PHF12: variants seen among roughly 807,000 people sequenced by gnomAD.
PHF12 encodes the protein PHD factor 1.
PHF12 carries 6 observed loss-of-function variants against 99.8 expected under a neutral mutation model. The observed-to-expected ratio is 0.06, with a 90% CI of 0.03 to 0.12. The LOEUF (loss-of-function observed/expected upper bound fraction) is 0.12, where lower values mean the gene tolerates loss of function less well. PHF12 is among the 10% of genes least tolerant of loss of function. The pLI is 1.00. For synonymous variants in PHF12, 480 were observed against 514.9 expected (o/e 0.93, Z 0.92); for missense variants, 954 against 1,300.1 (o/e 0.73, Z 4.09).
intron 11 of PHF12, chr17:28,909,871 G>A: frequency 1.7e-6 from 1 of 595,488 alleles, no homozygotes; most frequent in Non-Finnish European, 3.0e-6. Flanking sequence ...GATTACAGGT[G>A]TGAGCCACTG....
Position 28,907,648 on chromosome 17 carries a change from G to C in PHF12, c.2483C>G (p.Thr828Arg). 1.2e-6 allele frequency: 2 copies of C among 1,613,922 alleles called. No homozygotes were observed. Among genetic ancestry groups the C allele is most frequent in the Non-Finnish European group, 1.7e-6 (2 of 1,179,884 alleles). Residue 828 changes from threonine (T) to arginine (R), a missense_variant, in exon 13 of 15, where the codon ACA becomes AGA. Thr to Arg is a moderately conservative substitution (Grantham distance 71, BLOSUM62 -1). Transcript: ENST00000332830. ...CACGTAGTTACAGTGACCATAGTTT[G>C]TAAGGCACACATCCATGTCAGCTCC... is the stretch of plus-strand genomic sequence containing the variant. ...GTGADMDVCL[T>R]NYGHCNYVSG...
intron 6 of PHF12, among the ~76,000 whole-genome samples, chr17:28,917,821 G>A (rs1166735990): frequency 6.6e-6 from 1 of 152,060 alleles, no homozygotes; most frequent in African/African-American, 2.4e-5. Context: ...CGTATGCTTC[G>A]ACCCTTAAGA....
In PHF12 at chr17:28,949,356, G is replaced by A. The variant is rs111399859; in HGVS notation, c.248+709C>T. 0.017 allele frequency among the ~76,000 whole-genome samples: 2,551 copies of A among 152,250 alleles called. 64 individuals are homozygous for A. Among genetic ancestry groups the A allele is most frequent in the African/African-American group, 0.058 (2,397 of 41,528 alleles). On this transcript the variant is annotated intron_variant, in intron 2 of 14. Transcript: ENST00000332830. The surrounding 1 kb of genome is among the most constrained non-coding windows in gnomAD (Gnocchi z 4.6). ...AAGGCAGCTCTGAGAGGCAACAGGG[G>A]GCAAGCGGAGGCAGAGAAAGGGGAT... is the stretch of plus-strand genomic sequence containing the variant.
chr17:28,951,016 AG>A lies in PHF12; in HGVS notation c.-57del. ...CTCCGGCCCCCCCAACCCCGGGGGG[AG>A]GGGGGAGGTGAGGGGAGGGGGCGCT... On this transcript the variant is annotated 5_prime_UTR_variant, in exon 1 of 15. Coordinates refer to ENST00000332830, the MANE Select transcript of PHF12 (RefSeq NM_001033561.2). 2.5e-6 allele frequency: 4 copies of A among 1,605,044 alleles called. No homozygotes were observed. Among genetic ancestry groups the A allele is most frequent in the East Asian group, 2.3e-5 (1 of 44,444 alleles).
Position 28,950,965 on chromosome 17 carries a change from C to T in PHF12, c.-5G>A, listed in dbSNP as rs759080157. 3.1e-6 allele frequency: 5 copies of T among 1,613,798 alleles called. No homozygotes were observed. In the South Asian group the frequency reaches 5.5e-5, roughly 18 times the overall value. ...GGTCTCCATTTTCTCCCACATTCAT[C>T]CACCTCCCGGGCTGGGTGCTCTCTG... On this transcript the variant is annotated 5_prime_UTR_variant, in exon 1 of 15. Coordinates refer to ENST00000332830, the MANE Select transcript of PHF12 (RefSeq NM_001033561.2). The surrounding 1 kb of genome is among the most constrained non-coding windows in gnomAD (Gnocchi z 5.7).
chr17:28,911,955 T>C (rs936537240), intron 9 of PHF12, among the ~76,000 whole-genome samples: 2 of 152,252 alleles, frequency 1.3e-5, no homozygotes, highest in Non-Finnish European at 2.9e-5. Context: ...CCTGTGGGCA[T>C]CCCACTCTAC....
rs1045315017 is a variant in PHF12, at chr17:28,950,315, C to T, written c.67-69G>A. The stretch of plus-strand genomic sequence containing the variant: ...CGGGCGGTCCGTCGCCCCCCCGGCG[C>T]GGTTTCTCCGTCACCCACCCCTCTC... On this transcript the variant is annotated intron_variant, in intron 1 of 14. Transcript: ENST00000332830. The surrounding 1 kb of genome is among the most constrained non-coding windows in gnomAD (Gnocchi z 5.7). The T allele has an allele frequency of 6.7e-7, 1 of 1,494,712 alleles. No individual in the cohort carries two copies. The highest frequency in any genetic ancestry group is 9.0e-7 in the Non-Finnish European group (1 of 1,112,840). 92.6% of individuals were successfully genotyped at this position (1,494,712 alleles called of 1,614,324 possible). A position where few individuals can be genotyped will look rare whatever the true frequency, so the allele number is the denominator to read the frequency against.
At position 28,913,095 on chromosome 17, in the gene PHF12, G is replaced by A. The variant is rs1285174492; in HGVS notation, c.1476C>T (p.Tyr492=). 6.2e-7 allele frequency: 1 copy of A among 1,614,234 alleles called. No individual in the cohort carries two copies. Among genetic ancestry groups the A allele is most frequent in the Non-Finnish European group, 8.5e-7 (1 of 1,180,036 alleles). The change falls in exon 9 of 15, where the codon TAC becomes TAT. Residue 492 remains tyrosine (Y), a synonymous_variant. Coordinates refer to ENST00000332830, the MANE Select transcript of PHF12 (RefSeq NM_001033561.2). The part of the protein sequence containing the change: ...TADKTPTPSH[Y]PLSCPSGIST... ...TAATCCCTGAGGGGCAGGACAAGGGGTAGTGGGAAGGTGTAGGTGTCTTGT... is the reference window on the plus strand; with the variant it reads ...TAATCCCTGAGGGGCAGGACAAGGGATAGTGGGAAGGTGTAGGTGTCTTGT...
intron 7 of PHF12, among the ~76,000 whole-genome samples, chr17:28,914,315 G>A (rs1003480387): frequency 6.6e-6 from 1 of 152,136 alleles, no homozygotes; most frequent in Non-Finnish European, 1.5e-5. Context: ...GGGCTTCAGA[G>A]TGGTACTCTG....
chr17:28,913,944 G>C lies in PHF12; in HGVS notation c.1228C>G (p.Pro410Ala), dbSNP rs200011498. ...AAAAGGTGCATCTGTGATTCCTCAG[G>C]GATCCCATTGCAGATCAGCTCCCCG... Reference protein sequence around the residue: ...RDGELICNGIPEESQMHLLNS... With the variant: ...RDGELICNGIAEESQMHLLNS... Residue 410 changes from proline to alanine, a missense_variant, in exon 8 of 15, where the codon CCT becomes GCT. Physicochemically the swap from Pro to Ala is conservative, Grantham distance 27 (BLOSUM62 -1). Coordinates refer to ENST00000332830, the MANE Select transcript of PHF12 (RefSeq NM_001033561.2). 4.0e-5 allele frequency: 64 copies of C among 1,613,680 alleles called. No individual in the cohort carries two copies. The highest frequency in any genetic ancestry group is 4.8e-5 in the Non-Finnish European group (57 of 1,179,768).
intron 2 of PHF12, chr17:28,944,887 T>C (rs1401175052): frequency 6.6e-6 from 1 of 152,190 alleles, no homozygotes; most frequent in African/African-American, 2.4e-5. Context: ...GCTGACAAGA[T>C]AATGTTAAAG....
intron 10 of PHF12, among the ~76,000 whole-genome samples, 181 bp from the exon 11 acceptor site, chr17:28,910,550 C>A (rs1228043828): frequency 1.3e-5 from 2 of 152,220 alleles, no homozygotes; most frequent in African/African-American, 4.8e-5. Flanking sequence ...TTGCCATTTG[C>A]AGTGAGATGG....
At position 28,950,814 on chromosome 17, in the gene PHF12, G is replaced by C; in HGVS notation, c.66+81C>G. The stretch of plus-strand genomic sequence containing the variant: ...TCCCTCGGCCATCTAGGCGCTTCGA[G>C]TTTAGGACTGGCTTTGTGGGGCGGA... On this transcript the variant is annotated intron_variant, in intron 1 of 14. Coordinates refer to ENST00000332830, the MANE Select transcript of PHF12 (RefSeq NM_001033561.2). This position sits in a 1 kb window ranked among gnomAD's most constrained non-coding sequence, Gnocchi z 5.7. The C allele has an allele frequency of 1.9e-6, 3 of 1,581,244 alleles. No homozygotes were observed. Among genetic ancestry groups the C allele is most frequent in the South Asian group, 1.1e-5 (1 of 88,094 alleles).
intron 2 of PHF12, among the ~76,000 whole-genome samples, chr17:28,943,278 C>T (rs76268364): frequency 1.3e-5 from 2 of 152,138 alleles, no homozygotes; most frequent in Non-Finnish European, 2.9e-5. Flanking sequence ...AGTTACCATA[C>T]GACCCAGCAA....
At chr17:28,907,463 G>T in intron 13 of PHF12, 127 bp downstream of exon 13, 1 of 854,304 alleles carries the variant, frequency 1.2e-6, no homozygotes, top group Non-Finnish European at 1.8e-6. Context: ...AGGAATGACA[G>T]GGAGGGAAGA....
chr17:28,910,492 A>G lies in PHF12; in HGVS notation c.2216-123T>C, dbSNP rs76118512. 3.3e-4 allele frequency: 394 copies of G among 1,194,336 alleles called. No individual in the cohort carries two copies. The African/African-American group carries it at 5.8e-3, about 17-fold the overall frequency. The allele number at this position is 1,194,336 out of a possible 1,614,324, so 74.0% of individuals were successfully genotyped here. On this transcript the variant is annotated intron_variant, in intron 10 of 14. Transcript: ENST00000332830. The stretch of plus-strand genomic sequence containing the variant: ...ATCCAGCCAAGTGATTTTTACTCAA[A>G]CAGCATTGAGTGCAGAGCGTACAAG...
At chr17:28,941,925 C>T (rs2152677753) in intron 2 of PHF12, among the ~76,000 whole-genome samples, 1 of 152,258 alleles carries the variant, frequency 6.6e-6, no homozygotes, top group East Asian at 1.9e-4. Context: ...CTTTCTTAAA[C>T]TAGGGTCCTC....
At chr17:28,907,217 GC>G in intron 13 of PHF12, 1 of 549,944 alleles carries the variant, frequency 1.8e-6, no homozygotes, top group Non-Finnish European at 3.2e-6. Context: ...CCTTCACTCT[GC>G]CCTCTCAGCA....
intron 3 of PHF12, 136 bp downstream of exon 3, chr17:28,926,855 G>C: frequency 6.4e-7 from 1 of 1,552,876 alleles, no homozygotes. Context: ...ACCATGGGAA[G>C]AGTGGGGTGA....
Sources: allele counts gnomAD v4.1 joint callset (sites outside exome capture counted in the v4.1 genomes callset), GRCh38; gene constraint gnomAD v4.1.1; non-coding constraint Gnocchi (gnomAD v3.1); transcripts MANE v1.5; gene names NCBI Gene and HGNC (gene_info 2026-07-23, HGNC 2026-07-21).